The following LRRC4C variants were observed in gnomAD, a reference collection of about 807,000 sequenced individuals.
LRRC4C encodes leucine rich repeat containing 4C.
Under a neutral mutation model 33.6 loss-of-function variants are expected in LRRC4C, and 5 were observed. The ratio of observed to expected loss-of-function variants is 0.15; its 90% CI spans 0.08 to 0.31. LRRC4C has a LOEUF of 0.31. Among genes scored for constraint, LRRC4C ranks in the 10% least tolerant of loss-of-function variants. The pLI, the probability that LRRC4C is intolerant of heterozygous loss-of-function variation, is 1.00. For missense variants in LRRC4C, 560 were observed against 796.7 expected, an observed-to-expected ratio of 0.70 and a Z score of 3.58; for synonymous variants, 329 against 302.0, an observed-to-expected ratio of 1.09 and a Z score of -0.93.
intron 3 of LRRC4C, among the ~76,000 whole-genome samples, chr11:40,455,049 GTA>G (rs1267419927): frequency 6.6e-6 from 1 of 152,098 alleles, no homozygotes; most frequent in Non-Finnish European, 1.5e-5. Context: ...CATCTGTCAT[GTA>G]TGTCACAACA....
chr11:40,816,731 A>G (rs1036697985), intron 2 of LRRC4C, among the ~76,000 whole-genome samples: 9 of 152,142 alleles, frequency 5.9e-5, no homozygotes, highest in African/African-American at 2.2e-4. Flanking sequence ...AATGCAAATA[A>G]CTGGGAGATT....
chr11:41,226,777 C>CACACACACACACACACT (rs1565496331), intron 1 of LRRC4C, among the ~76,000 whole-genome samples: 1 of 150,604 alleles, frequency 6.6e-6, no homozygotes, highest in Non-Finnish European at 1.5e-5. Context: ...CACACACACA[C>CACACACACACACACACT]CCTTCTCTCT....
intron 2 of LRRC4C, among the ~76,000 whole-genome samples, chr11:40,695,181 G>A (rs1945430522): frequency 6.6e-6 from 1 of 152,156 alleles, no homozygotes; most frequent in African/African-American, 2.4e-5. Flanking sequence ...TATGCTTGTG[G>A]TGATCAGGAA....
chr11:40,980,304 G>A (rs1295394320), intron 1 of LRRC4C, among the ~76,000 whole-genome samples: 1 of 152,126 alleles, frequency 6.6e-6, no homozygotes, highest in African/African-American at 2.4e-5. Flanking sequence ...GTTCTCTTGG[G>A]CAAGAAAAGT....
At chr11:40,728,022 G>A (rs1304034194) in intron 2 of LRRC4C, among the ~76,000 whole-genome samples, 3 of 151,564 alleles carry the variant, frequency 2.0e-5, no homozygotes, top group Non-Finnish European at 2.9e-5. Flanking sequence ...CAGCCTGGGT[G>A]ACAGAGTGAG....
intron 5 of LRRC4C, among the ~76,000 whole-genome samples, chr11:40,236,355 T>G (rs1865556315): frequency 6.6e-6 from 1 of 152,208 alleles, no homozygotes; most frequent in South Asian, 2.1e-4. Context: ...CCTCTGTAAT[T>G]ATTATTTTCC....
intron 2 of LRRC4C, among the ~76,000 whole-genome samples, chr11:40,652,101 C>A (rs558665837): frequency 6.6e-6 from 1 of 152,130 alleles, no homozygotes; most frequent in Non-Finnish European, 1.5e-5. Context: ...CTGAAAGCCA[C>A]AAACATCCAC....
intron 3 of LRRC4C, among the ~76,000 whole-genome samples, chr11:40,338,228 A>G (rs1452812698): frequency 6.6e-6 from 1 of 152,228 alleles, no homozygotes; most frequent in Non-Finnish European, 1.5e-5. Context: ...TCTCCTAAGA[A>G]CATGTTCTAA....
At chr11:41,205,448 C>G (rs1206604873) in intron 1 of LRRC4C, among the ~76,000 whole-genome samples, 1 of 152,080 alleles carries the variant, frequency 6.6e-6, no homozygotes, top group Non-Finnish European at 1.5e-5. Flanking sequence ...TTGTACTGAA[C>G]CATTATACCA....
At chr11:40,136,019 A>G (rs1438294949) in intron 6 of LRRC4C, among the ~76,000 whole-genome samples, 4 of 152,192 alleles carry the variant, frequency 2.6e-5, no homozygotes, top group Non-Finnish European at 5.9e-5. Context: ...GCAAAACTCT[A>G]AGATGAATGG....
chr11:40,648,868 A>G (rs1942621640), intron 2 of LRRC4C, among the ~76,000 whole-genome samples: 1 of 152,122 alleles, frequency 6.6e-6, no homozygotes, highest in South Asian at 2.1e-4. Flanking sequence ...AAAGAGAGGA[A>G]TTTCACACCT....
intron 3 of LRRC4C, among the ~76,000 whole-genome samples, chr11:40,440,197 C>T (rs1430298780): frequency 6.6e-6 from 1 of 152,038 alleles, no homozygotes; most frequent in East Asian, 1.9e-4. Flanking sequence ...TAGAACATTT[C>T]CTGGCATAGA....
chr11:40,969,462 CA>C (rs35793654), intron 1 of LRRC4C, among the ~76,000 whole-genome samples: 2,150 of 143,268 alleles, frequency 0.015, 51 homozygotes, highest in African/African-American at 0.053. Flanking sequence ...TCTTACACTA[CA>C]AAAAAAAAAA....
chr11:40,473,299 T>C (rs1953036446), intron 3 of LRRC4C, among the ~76,000 whole-genome samples: 1 of 152,144 alleles, frequency 6.6e-6, no homozygotes, highest in Non-Finnish European at 1.5e-5. Flanking sequence ...TGGTTCAACA[T>C]ACATAAATCG....
intron 1 of LRRC4C, among the ~76,000 whole-genome samples, chr11:41,064,458 T>G (rs1485342734): frequency 1.3e-5 from 2 of 152,220 alleles, no homozygotes; most frequent in Non-Finnish European, 2.9e-5. Context: ...GATTTTTTCC[T>G]GGAATACTCA....
At chr11:40,848,851 A>C (rs1264741350) in intron 2 of LRRC4C, among the ~76,000 whole-genome samples, 9 of 152,172 alleles carry the variant, frequency 5.9e-5, no homozygotes, top group Non-Finnish European at 1.3e-4. Context: ...ATATATACTT[A>C]GAATAGTTAA....
At chr11:40,662,201 G>A (rs1459038051) in intron 2 of LRRC4C, among the ~76,000 whole-genome samples, 5 of 152,188 alleles carry the variant, frequency 3.3e-5, no homozygotes, top group African/African-American at 1.2e-4. Context: ...ATTCCTAGAA[G>A]TGTTTTTACT....
chr11:41,140,176 G>A (rs974317151), intron 1 of LRRC4C, among the ~76,000 whole-genome samples: 1 of 152,140 alleles, frequency 6.6e-6, no homozygotes, highest in Non-Finnish European at 1.5e-5. Flanking sequence ...GATGATGTAT[G>A]TAGTAGATGA....
chr11:40,504,406 C>T (rs1231291769), intron 3 of LRRC4C, among the ~76,000 whole-genome samples: 1 of 151,958 alleles, frequency 6.6e-6, no homozygotes, highest in South Asian at 2.1e-4. Context: ...CATAATTATC[C>T]ATCCTCAGTT....
Sources: allele counts gnomAD v4.1 joint callset (sites outside exome capture counted in the v4.1 genomes callset), GRCh38; gene constraint gnomAD v4.1.1; transcripts MANE v1.5; gene names NCBI Gene and HGNC (gene_info 2026-07-23, HGNC 2026-07-21).